The following PRKCA variants were observed in gnomAD, a reference collection of about 807,000 sequenced individuals.
PRKCA encodes the protein protein kinase C alpha type.
Under a neutral mutation model 87.0 loss-of-function variants are expected in PRKCA, and 27 were observed. The ratio of observed to expected loss-of-function variants is 0.31; its 90% confidence interval spans 0.23 to 0.43. The LOEUF is 0.43. PRKCA is among the 20% of genes least tolerant of loss of function. The probability of loss-of-function intolerance (pLI) is 1.00; values close to 1 mark genes in which losing one functional copy is unlikely to be tolerated. For missense variants in PRKCA, 518 were observed against 852.3 expected (o/e 0.61, Z 4.88); for synonymous variants, 329 against 311.1 (o/e 1.06, Z -0.61).
chr17:66,756,855 G>A (rs991533916), intron 13 of PRKCA, among the ~76,000 whole-genome samples: 3 of 152,020 alleles, frequency 2.0e-5, no homozygotes, highest in Non-Finnish European at 4.4e-5. Context: ...TAGAGACAGG[G>A]TTTCACCATG....
chr17:66,609,530 AC>A (rs908576791), intron 3 of PRKCA, among the ~76,000 whole-genome samples: 3 of 152,206 alleles, frequency 2.0e-5, no homozygotes, highest in Non-Finnish European at 4.4e-5. Flanking sequence ...AAAGCTCTTT[AC>A]CACAGTGTAT....
Position 66,766,808 on chromosome 17 carries a change from CAAA to C in PRKCA, c.1525-7162_1525-7160del, listed in dbSNP as rs559889725. On this transcript the variant is annotated intron_variant, in intron 13 of 16. Coordinates refer to ENST00000413366, the MANE Select transcript of PRKCA (RefSeq NM_002737.3). Reference sequence around the variant, plus strand: ...GGGTAACAAAAGCGAAACTCCTTCTCAAAAAAAAAAAAAAAAAAATTTAATGAA... The same window carrying C: ...GGGTAACAAAAGCGAAACTCCTTCTCAAAAAAAAAAAAAAAATTTAATGAA... Among the ~76,000 whole-genome samples, 72 of 104,418 alleles carry C rather than the reference CAAA, an allele frequency of 6.9e-4. 1 individual carries two copies. Among genetic ancestry groups the C allele is most frequent in the African/African-American group, 2.1e-3 (61 of 29,188 alleles). 68.5% of individuals were successfully genotyped at this position (104,418 alleles called of 152,430 possible). A position where few individuals can be genotyped will look rare whatever the true frequency, so the allele number is the denominator to read the frequency against.
chr17:66,775,056 C>G (rs1272867516), intron 14 of PRKCA: 2 of 985,448 alleles, frequency 2.0e-6, no homozygotes, highest in Non-Finnish European at 2.4e-6. Flanking sequence ...TCCTTTATGA[C>G]TGTCCTCATG....
At chr17:66,509,358 T>G (rs1917123966) in intron 3 of PRKCA, among the ~76,000 whole-genome samples, 1 of 152,108 alleles carries the variant, frequency 6.6e-6, no homozygotes, top group African/African-American at 2.4e-5. Context: ...CCAGGAGAGC[T>G]GATGATGTAA....
At chr17:66,396,349 T>G (rs1910663567) in intron 2 of PRKCA, among the ~76,000 whole-genome samples, 1 of 152,098 alleles carries the variant, frequency 6.6e-6, no homozygotes, top group African/African-American at 2.4e-5. Flanking sequence ...TAGGCAAAAT[T>G]TTTCTAAAAA....
intron 3 of PRKCA, among the ~76,000 whole-genome samples, chr17:66,609,102 C>G (rs917432145): frequency 3.9e-5 from 6 of 152,216 alleles, no homozygotes; most frequent in African/African-American, 1.4e-4. Flanking sequence ...TCAGACTAAT[C>G]ATTTTGCTGA....
At chr17:66,777,523 T>C in intron 14 of PRKCA, 4 of 978,162 alleles carry the variant, frequency 4.1e-6, no homozygotes, top group Non-Finnish European at 4.8e-6. Context: ...AGTGAGTCAA[T>C]GGCTGGAGAA....
intron 13 of PRKCA, among the ~76,000 whole-genome samples, chr17:66,765,167 G>A (rs9893473): frequency 0.6 from 91,057 of 151,756 alleles, 29,646 homozygotes; most frequent in African/African-American, 0.87. Context: ...TAATCCCAGC[G>A]CTTTGGGAGG....
chr17:66,641,328 T>TGA, intron 3 of PRKCA, 27 bp from the exon 4 acceptor site: 1 of 1,555,964 alleles, frequency 6.4e-7, no homozygotes, highest in Non-Finnish European at 8.8e-7. Context: ...ATGACTAAAA[T>TGA]GAGCATTGTG....
chr17:66,545,337 G>A (rs1263012514), intron 3 of PRKCA, among the ~76,000 whole-genome samples: 1 of 152,206 alleles, frequency 6.6e-6, no homozygotes, highest in East Asian at 1.9e-4. Flanking sequence ...GCTGAGGTAG[G>A]AGAATGGCGT....
intron 3 of PRKCA, among the ~76,000 whole-genome samples, chr17:66,529,526 A>G (rs1967467022): frequency 1.3e-5 from 2 of 152,164 alleles, no homozygotes; most frequent in Admixed American, 1.3e-4. Context: ...TGGAATTGAC[A>G]TTACCCGATG....
rs189475002 is a variant in PRKCA at position 66,520,796 on chromosome 17, C to A, written c.288+24513C>A. 3.2e-3 allele frequency among the ~76,000 whole-genome samples: 494 copies of A among 152,154 alleles called. 2 individuals carry two copies. The highest frequency in any genetic ancestry group is 6.8e-3 in the Middle Eastern group (2 of 294). On this transcript the variant is annotated intron_variant, in intron 3 of 16. Coordinates refer to ENST00000413366, the MANE Select transcript of PRKCA (RefSeq NM_002737.3). The stretch of plus-strand genomic sequence containing the variant: ...ACTGCTGATTTCTGACTTTTAAAAC[C>A]TAAAAGATTTCTTCCTAAACTTATC...
intron 3 of PRKCA, among the ~76,000 whole-genome samples, chr17:66,529,894 A>G (rs1252003556): frequency 6.6e-6 from 1 of 152,150 alleles, no homozygotes; most frequent in African/African-American, 2.4e-5. Flanking sequence ...AATACATTTG[A>G]TGTTTCAGCT....
intron 3 of PRKCA, among the ~76,000 whole-genome samples, chr17:66,589,733 A>G (rs1969738478): frequency 6.6e-6 from 1 of 152,172 alleles, no homozygotes; most frequent in Non-Finnish European, 1.5e-5. Flanking sequence ...GGATACGAAG[A>G]TGATAAGATG....
rs376476209 is a variant in PRKCA at position 66,770,406 on chromosome 17, A to G, written c.1525-3581A>G. 1.2e-4 allele frequency among the ~76,000 whole-genome samples: 19 copies of G among 152,336 alleles called. No individual in the cohort carries two copies. In the South Asian group the frequency reaches 1.7e-3, roughly 13 times the overall value. Reference sequence around the variant, plus strand: ...TTAATCTAGGCAATTGGGAAATTATATAGTCAATCTGTCTTTATATGGTAT... The same window carrying G: ...TTAATCTAGGCAATTGGGAAATTATGTAGTCAATCTGTCTTTATATGGTAT... On this transcript the variant is annotated intron_variant, in intron 13 of 16. Coordinates refer to ENST00000413366, the MANE Select transcript of PRKCA (RefSeq NM_002737.3).
chr17:66,628,746 G>C (rs1314588961), intron 3 of PRKCA, among the ~76,000 whole-genome samples: 1 of 152,186 alleles, frequency 6.6e-6, no homozygotes, highest in Non-Finnish European at 1.5e-5. Context: ...AAATAAAATT[G>C]GCTGGGCGCT....
At chr17:66,674,391 C>G (rs1173449684) in intron 5 of PRKCA, among the ~76,000 whole-genome samples, 1 of 152,178 alleles carries the variant, frequency 6.6e-6, no homozygotes, top group Non-Finnish European at 1.5e-5. Flanking sequence ...ACTCAGTTCA[C>G]GCATGGTGCT....
chr17:66,390,693 G>A (rs1567804529), intron 2 of PRKCA, among the ~76,000 whole-genome samples: 1 of 152,136 alleles, frequency 6.6e-6, no homozygotes. Flanking sequence ...ACCCCCCTGG[G>A]GTGCACAAAA....
At chr17:66,367,440 G>A (rs1908802902) in intron 2 of PRKCA, among the ~76,000 whole-genome samples, 1 of 152,188 alleles carries the variant, frequency 6.6e-6, no homozygotes, top group Non-Finnish European at 1.5e-5. Flanking sequence ...AGGTATCCAG[G>A]AAAAGCCACT....
Sources: gnomAD v4.1 joint callset for allele counts (sites outside exome capture counted in the v4.1 genomes callset) on GRCh38, gnomAD v4.1.1 for gene constraint, MANE v1.5 for transcripts, NCBI Gene and HGNC (gene_info 2026-07-23, HGNC 2026-07-21) for gene names.